The following TRAF3IP2 variants were observed in gnomAD, a reference collection of about 807,000 sequenced individuals.
TRAF3IP2 encodes the protein E3 ubiquitin ligase TRAF3IP2.
A neutral mutation model predicts 57.9 loss-of-function variants in TRAF3IP2; 35 were observed. The ratio of observed to expected loss-of-function variants is 0.60; its 90% CI spans 0.46 to 0.80. TRAF3IP2 has a LOEUF of 0.80. TRAF3IP2 is among the 30% of genes least tolerant of loss of function. The pLI, the probability that TRAF3IP2 is intolerant of heterozygous loss-of-function variation, is 0.00. For synonymous variants in TRAF3IP2, 251 were observed against 268.9 expected (o/e 0.93, Z 0.65); for missense variants, 556 against 706.4 (o/e 0.79, Z 2.41).
intron 1 of TRAF3IP2, among the ~76,000 whole-genome samples, chr6:111,599,159 C>T (rs1021197213): frequency 1.3e-5 from 2 of 150,528 alleles, no homozygotes; most frequent in African/African-American, 4.9e-5. Flanking sequence ...CCTTCTGCCT[C>T]GTCCTTCCAA....
chr6:111,567,207 C>T (rs763772107), intron 6 of TRAF3IP2: 3 of 1,002,620 alleles, frequency 3.0e-6, no homozygotes, highest in African/African-American at 3.5e-5. Flanking sequence ...CGGGGCTGCA[C>T]GTGGGCACCT....
intron 1 of TRAF3IP2, chr6:111,601,826 T>C (rs1023692950): frequency 6.6e-6 from 1 of 152,324 alleles, no homozygotes; most frequent in African/African-American, 2.4e-5. Context: ...CAGAGAGTAA[T>C]CTTTTTAATA....
Position 111,557,236 on chromosome 6 carries a change from T to A in TRAF3IP2, c.*2169A>T, listed in dbSNP as rs1452571099. Reference sequence around the variant, plus strand: ...AGCAGTAGCTTGCAGCCCCAAAAAGTCTTCATTGTCTTAGTAGCTTGGGCC... The same window carrying A: ...AGCAGTAGCTTGCAGCCCCAAAAAGACTTCATTGTCTTAGTAGCTTGGGCC... On this transcript the variant is annotated 3_prime_UTR_variant, in exon 9 of 9. Coordinates refer to ENST00000368761, the MANE Select transcript of TRAF3IP2 (RefSeq NM_147686.4). 1.3e-5 allele frequency: 2 copies of A among 152,078 alleles called. No homozygotes were observed. Among genetic ancestry groups the A allele is most frequent in the African/African-American group, 4.8e-5 (2 of 41,414 alleles). 9.4% of individuals were successfully genotyped at this position (152,078 alleles called of 1,614,324 possible).
In TRAF3IP2 at chr6:111,591,261, G is replaced by T. The variant is rs773341263; in HGVS notation, c.826C>A (p.Pro276Thr). 4 of 1,485,996 alleles carry T rather than the reference G, an allele frequency of 2.7e-6. No individual in the cohort carries two copies. The Admixed American group carries it at 9.3e-5, about 34-fold the overall frequency. The allele number at this position is 1,485,996 out of a possible 1,614,324, so 92.1% of individuals were successfully genotyped here. A position where few individuals can be genotyped will look rare whatever the true frequency, so the allele number is the denominator to read the frequency against. The change falls in exon 2 of 9, where the codon CCA becomes ACA. Residue 276 changes from proline (P) to threonine (T), a missense_variant. By Grantham distance (38) the Pro-to-Thr change is conservative (BLOSUM62 -1). Transcript: ENST00000368761. The surrounding 1 kb of genome is among the most constrained non-coding windows in gnomAD (Gnocchi z 4.9). ...AGAGGAGGTAAAGATCACTTACATGGCACCTGGTGATCGGGACTTCCAGGA... is the reference window on the plus strand; with the variant it reads ...AGAGGAGGTAAAGATCACTTACATGTCACCTGGTGATCGGGACTTCCAGGA... ...HCPGSPDHQV[P>T]YGHDYPRAAY...
At chr6:111,571,504 G>A (rs769310930) in intron 5 of TRAF3IP2, among the ~76,000 whole-genome samples, 11 of 151,752 alleles carry the variant, frequency 7.2e-5, no homozygotes, top group East Asian at 2.0e-4. Flanking sequence ...GAGCCACCAC[G>A]CCTGGCTGCT....
intron 1 of TRAF3IP2, among the ~76,000 whole-genome samples, chr6:111,597,441 C>A (rs954384287): frequency 1.3e-5 from 2 of 152,190 alleles, no homozygotes; most frequent in African/African-American, 2.4e-5. Flanking sequence ...CAGCCCCAGA[C>A]CCCTGTCTGA....
At chr6:111,593,192 A>G (rs1345639379) in intron 1 of TRAF3IP2, among the ~76,000 whole-genome samples, 2 of 152,226 alleles carry the variant, frequency 1.3e-5, no homozygotes, top group African/African-American at 4.8e-5. Flanking sequence ...GAAAAAGAAG[A>G]AATCCCAGAG....
At chr6:111,596,321 C>T (rs1362164378) in intron 1 of TRAF3IP2, among the ~76,000 whole-genome samples, 3 of 152,156 alleles carry the variant, frequency 2.0e-5, no homozygotes, top group African/African-American at 7.2e-5. Flanking sequence ...ATACGGGGGT[C>T]TTGCTCTGTC....
intron 1 of TRAF3IP2, chr6:111,601,255 G>A: frequency 1.3e-6 from 1 of 752,444 alleles, no homozygotes; most frequent in Non-Finnish European, 2.5e-6. Context: ...TCACCAGGCT[G>A]GAAATCTGCC....
chr6:111,605,629 C>G (rs1212086929), intron 1 of TRAF3IP2, 147 bp downstream of exon 1: 2 of 152,320 alleles, frequency 1.3e-5, no homozygotes. Flanking sequence ...CTAAGATGGT[C>G]TCTGTGCGAA....
At chr6:111,579,410 C>T (rs1796091424) in intron 3 of TRAF3IP2, among the ~76,000 whole-genome samples, 1 of 150,102 alleles carries the variant, frequency 6.7e-6, no homozygotes, top group South Asian at 2.1e-4. Context: ...AATAATGGTA[C>T]TCAACATGTA....
intron 2 of TRAF3IP2, among the ~76,000 whole-genome samples, chr6:111,586,682 G>A (rs1461598396): frequency 6.6e-6 from 1 of 152,096 alleles, no homozygotes; most frequent in East Asian, 1.9e-4. Context: ...AAGCTGAGTA[G>A]AGCCACGTAG....
At chr6:111,567,818 G>GAGC in intron 5 of TRAF3IP2, 126 bp from the exon 6 acceptor site, 1 of 620,506 alleles carries the variant, frequency 1.6e-6, no homozygotes, top group Non-Finnish European at 2.5e-6. Flanking sequence ...TTGCAAGAAG[G>GAGC]AGCACATAGG....
At chr6:111,568,371 T>G (rs1246992352) in intron 5 of TRAF3IP2, among the ~76,000 whole-genome samples, 1 of 150,390 alleles carries the variant, frequency 6.6e-6, no homozygotes, top group South Asian at 2.1e-4. Flanking sequence ...AGATCAGTTA[T>G]TTTTTATTTT....
In TRAF3IP2 at chr6:111,555,829, C is replaced by A. The variant is rs531640685; in HGVS notation, c.*3576G>T. Among the ~76,000 whole-genome samples the A allele has an allele frequency of 6.6e-6, 1 of 152,122 alleles. No individual in the cohort carries two copies. The highest frequency in any genetic ancestry group is 1.5e-5 in the Non-Finnish European group (1 of 68,024). ...GTTACAATTCCTTTGATGGGCCGGG[C>A]GTGGTGGCTCATGCCTGTAATCCCA... On this transcript the variant is annotated 3_prime_UTR_variant, in exon 9 of 9. Coordinates refer to ENST00000368761, the MANE Select transcript of TRAF3IP2 (RefSeq NM_147686.4).
At chr6:111,597,009 T>A (rs1283777334) in intron 1 of TRAF3IP2, among the ~76,000 whole-genome samples, 1 of 152,230 alleles carries the variant, frequency 6.6e-6, no homozygotes, top group African/African-American at 2.4e-5. Context: ...AAATAGTTGA[T>A]GCCTATTTCA....
At chr6:111,596,527 C>A (rs922531178) in intron 1 of TRAF3IP2, among the ~76,000 whole-genome samples, 1 of 152,202 alleles carries the variant, frequency 6.6e-6, no homozygotes, top group Admixed American at 6.5e-5. Flanking sequence ...AATCTCGGCT[C>A]ACTGCAACCT....
intron 8 of TRAF3IP2, among the ~76,000 whole-genome samples, chr6:111,562,300 C>T (rs1013620976): frequency 3.9e-5 from 6 of 152,142 alleles, no homozygotes; most frequent in African/African-American, 1.4e-4. Flanking sequence ...GAAATGCCTC[C>T]CTGGAACAGC....
At chr6:111,601,154 C>T in intron 1 of TRAF3IP2, 1 of 770,454 alleles carries the variant, frequency 1.3e-6, no homozygotes, top group Non-Finnish European at 2.4e-6. Context: ...GCCACATAAC[C>T]CCTAGGAGAT....
Sources: gnomAD v4.1 joint callset for allele counts (sites outside exome capture counted in the v4.1 genomes callset) on GRCh38, gnomAD v4.1.1 for gene constraint, Gnocchi (gnomAD v3.1) non-coding constraint, MANE v1.5 for transcripts, NCBI Gene and HGNC (gene_info 2026-07-23, HGNC 2026-07-21) for gene names.